APBB1IP: variants seen among roughly 807,000 people sequenced by gnomAD.
APBB1IP encodes amyloid beta A4 precursor protein-binding family B member 1-interacting protein.
In APBB1IP, 27 loss-of-function variants were observed where a neutral mutation model predicts 64.9. That is an observed-to-expected ratio of 0.42 (90% CI 0.31 to 0.57). The LOEUF (loss-of-function observed/expected upper bound fraction) is 0.57. APBB1IP is among the 20% of genes least tolerant of loss of function. APBB1IP has a pLI of 0.20. For synonymous variants in APBB1IP, 392 were observed against 331.0 expected (o/e 1.18, Z -2.00); for missense variants, 812 against 845.5 (o/e 0.96, Z 0.49).
At chr10:26,469,950 C>T (rs1397402058) in intron 2 of APBB1IP, among the ~76,000 whole-genome samples, 2 of 152,058 alleles carry the variant, frequency 1.3e-5, no homozygotes, top group African/African-American at 4.8e-5. Flanking sequence ...CATGATCTCC[C>T]CTTCCTCACT....
chr10:26,530,498 T>C (rs1272045227), intron 8 of APBB1IP, among the ~76,000 whole-genome samples: 1 of 152,064 alleles, frequency 6.6e-6, no homozygotes, highest in Non-Finnish European at 1.5e-5. Flanking sequence ...GAGACCATCC[T>C]GGCCAACATG....
chr10:26,540,832 G>A (rs1207064248), intron 10 of APBB1IP, among the ~76,000 whole-genome samples: 1 of 152,156 alleles, frequency 6.6e-6, no homozygotes, highest in East Asian at 1.9e-4. Flanking sequence ...CTGCAGTAAA[G>A]AGAACTTGTG....
At chr10:26,495,035 G>A (rs762265156) in intron 3 of APBB1IP, among the ~76,000 whole-genome samples, 1 of 148,292 alleles carries the variant, frequency 6.7e-6, no homozygotes, top group African/African-American at 2.5e-5. Context: ...TTGAGATAGA[G>A]TCTCACTCTG....
chr10:26,453,553 G>A (rs1209373751), intron 2 of APBB1IP, among the ~76,000 whole-genome samples: 1 of 151,992 alleles, frequency 6.6e-6, no homozygotes, highest in Non-Finnish European at 1.5e-5. Flanking sequence ...TGATGACGTG[G>A]ACTTGCCAGA....
chr10:26,515,996 C>T (rs968477884), intron 8 of APBB1IP, among the ~76,000 whole-genome samples: 5 of 151,594 alleles, frequency 3.3e-5, no homozygotes, highest in Non-Finnish European at 5.9e-5. Context: ...AAGAAGTGGC[C>T]GAGGCAAGAT....
In APBB1IP at chr10:26,445,284, A is replaced by G. The variant is rs192619338; in HGVS notation, c.-1+6431A>G. The stretch of plus-strand genomic sequence containing the variant: ...AAGGAGTTGATCCAAAATCTTTATT[A>G]GGTAGCTAAAATAAGAATATAGTTA... On this transcript the variant is annotated intron_variant, in intron 2 of 14. Coordinates refer to ENST00000376236, the MANE Select transcript of APBB1IP (RefSeq NM_019043.4). Among the ~76,000 whole-genome samples, 160 of 152,364 alleles carry G rather than the reference A, an allele frequency of 1.1e-3. 1 individual carries two copies. The highest frequency in any genetic ancestry group is 1.9e-3 in the Admixed American group (29 of 15,312).
intron 8 of APBB1IP, among the ~76,000 whole-genome samples, chr10:26,522,666 A>G (rs1836417701): frequency 6.6e-6 from 1 of 152,150 alleles, no homozygotes; most frequent in Admixed American, 6.6e-5. Context: ...ACAGTTGACC[A>G]AAACAACATG....
At chr10:26,496,899 A>T (rs907860470) in intron 4 of APBB1IP, among the ~76,000 whole-genome samples, 1 of 151,878 alleles carries the variant, frequency 6.6e-6, no homozygotes, top group Non-Finnish European at 1.5e-5. Context: ...ATTACCAAAA[A>T]TCTCTCAGCC....
intron 11 of APBB1IP, among the ~76,000 whole-genome samples, chr10:26,556,263 C>T (rs17668999): frequency 0.012 from 1,867 of 152,360 alleles, 17 homozygotes; most frequent in Non-Finnish European, 0.017. Flanking sequence ...AGGCAATAAG[C>T]TCCTTGGCAA....
intron 2 of APBB1IP, among the ~76,000 whole-genome samples, chr10:26,463,407 T>C (rs1835615124): frequency 6.6e-6 from 1 of 152,200 alleles, no homozygotes; most frequent in Non-Finnish European, 1.5e-5. Context: ...GCCACTGTAC[T>C]CCAGCCTGAG....
intron 6 of APBB1IP, among the ~76,000 whole-genome samples, chr10:26,509,068 A>G (rs1470447507): frequency 6.6e-6 from 1 of 152,248 alleles, no homozygotes; most frequent in Admixed American, 6.5e-5. Flanking sequence ...TTCTCAGCAG[A>G]GAGCAGCAAG....
intron 6 of APBB1IP, among the ~76,000 whole-genome samples, chr10:26,510,885 T>C (rs1010362492): frequency 2.6e-5 from 4 of 152,068 alleles, no homozygotes; most frequent in Admixed American, 2.6e-4. Flanking sequence ...TAACTATCTG[T>C]CTCTCAGTGG....
intron 9 of APBB1IP, among the ~76,000 whole-genome samples, chr10:26,534,294 CAAA>C (rs71403804): frequency 3.4e-5 from 2 of 58,690 alleles, no homozygotes. Context: ...GATCCAGTCT[CAAA>C]AAAAAAAAAA....
chr10:26,549,550 T>C (rs919663403), intron 11 of APBB1IP, among the ~76,000 whole-genome samples: 5 of 152,084 alleles, frequency 3.3e-5, no homozygotes, highest in African/African-American at 7.2e-5. Context: ...TGGTAGGTTA[T>C]ATGCATCTAG....
At chr10:26,493,316 A>T (rs1263893827) in intron 3 of APBB1IP, among the ~76,000 whole-genome samples, 2 of 152,218 alleles carry the variant, frequency 1.3e-5, no homozygotes, top group Non-Finnish European at 2.9e-5. Context: ...AAGGCGACAT[A>T]CATCTTTAGC....
intron 10 of APBB1IP, among the ~76,000 whole-genome samples, chr10:26,537,933 CAA>C (rs11331595): frequency 0.34 from 36,450 of 106,824 alleles, 4,529 homozygotes; most frequent in African/African-American, 0.38. Flanking sequence ...GACTAGGTCT[CAA>C]AAAAAAAAAA....
chr10:26,461,861 C>A (rs1835597224), intron 2 of APBB1IP, among the ~76,000 whole-genome samples: 1 of 152,064 alleles, frequency 6.6e-6, no homozygotes, highest in African/African-American at 2.4e-5. Context: ...TTTGCCATGT[C>A]ATTTTCTAAT....
intron 2 of APBB1IP, among the ~76,000 whole-genome samples, chr10:26,467,115 A>G (rs2132410971): frequency 6.6e-6 from 1 of 152,218 alleles, no homozygotes; most frequent in African/African-American, 2.4e-5. Flanking sequence ...CATGTTGGCC[A>G]GGCTGGTCTC....
At chr10:26,497,721 ATT>A (rs895511347) in intron 4 of APBB1IP, among the ~76,000 whole-genome samples, 149 of 100,332 alleles carry the variant, frequency 1.5e-3, no homozygotes, top group African/African-American at 4.4e-3. Context: ...TGTCCTCTGG[ATT>A]TTTTTTTTTT....
Sources: allele counts gnomAD v4.1 joint callset (sites outside exome capture counted in the v4.1 genomes callset), GRCh38; gene constraint gnomAD v4.1.1; transcripts MANE v1.5; gene names NCBI Gene and HGNC (gene_info 2026-07-23, HGNC 2026-07-21).